RIMS1: variants seen among roughly 807,000 people sequenced by gnomAD.
RIMS1 encodes the protein regulating synaptic membrane exocytosis 1, also known as regulating synaptic membrane exocytosis protein 1.
In RIMS1, 83 loss-of-function variants were observed where a neutral mutation model predicts 214.1. The ratio of observed to expected loss-of-function variants is 0.39; its 90% confidence interval spans 0.32 to 0.47. The LOEUF (loss-of-function observed/expected upper bound fraction) is 0.47. RIMS1 is among the 20% of genes least tolerant of loss of function. RIMS1 has a pLI of 0.99. For missense variants in RIMS1, 2,050 were observed against 2,161.8 expected, an observed-to-expected ratio of 0.95 and a Z score of 1.03; for synonymous variants, 793 against 786.8, an observed-to-expected ratio of 1.01 and a Z score of -0.13.
chr6:72,252,683 A>T, intron 15 of RIMS1, 78 bp from the exon 16 acceptor site: 1 of 1,197,394 alleles, frequency 8.4e-7, no homozygotes, highest in Non-Finnish European at 1.2e-6. Flanking sequence ...TCACTTTTTA[A>T]AAAAAGTTTG....
intron 1 of RIMS1, among the ~76,000 whole-genome samples, chr6:71,906,510 G>A (rs1403651555): frequency 6.6e-6 from 1 of 152,176 alleles, no homozygotes; most frequent in Non-Finnish European, 1.5e-5. Flanking sequence ...AGTAGTAAAT[G>A]TTCCACAGAA....
chr6:72,026,552 C>T (rs1273675074), intron 2 of RIMS1, among the ~76,000 whole-genome samples: 1 of 148,548 alleles, frequency 6.7e-6, no homozygotes, highest in African/African-American at 2.5e-5. Context: ...CTCTTCAAAC[C>T]TCACAAATTA....
chr6:72,152,145 G>A (rs1229825097), intron 4 of RIMS1, among the ~76,000 whole-genome samples: 2 of 152,142 alleles, frequency 1.3e-5, no homozygotes, highest in Non-Finnish European at 2.9e-5. Context: ...GATTTGGAGG[G>A]AACAAACATC....
intron 9 of RIMS1, among the ~76,000 whole-genome samples, chr6:72,240,745 A>C (rs1296839643): frequency 2.0e-5 from 3 of 149,152 alleles, no homozygotes; most frequent in African/African-American, 7.4e-5. Flanking sequence ...ACGGTGACTC[A>C]CACCTGTAAT....
chr6:72,182,152 C>T, intron 5 of RIMS1, 132 bp from the exon 6 acceptor site: 1 of 967,944 alleles, frequency 1.0e-6, no homozygotes. Flanking sequence ...CTTACAGTTC[C>T]ACCTTCAGAT....
chr6:72,360,222 A>G (rs1276882507), intron 29 of RIMS1, among the ~76,000 whole-genome samples: 2 of 152,210 alleles, frequency 1.3e-5, no homozygotes, highest in Non-Finnish European at 2.9e-5. Context: ...AGTAGCATCT[A>G]GCTTTTGTAG....
At chr6:72,009,116 C>G (rs1481324929) in intron 2 of RIMS1, among the ~76,000 whole-genome samples, 2 of 152,294 alleles carry the variant, frequency 1.3e-5, no homozygotes, top group East Asian at 3.9e-4. Flanking sequence ...GAAATTATAA[C>G]AAACTGTCTC....
In RIMS1 at chr6:72,153,561, AT is replaced by A. The variant is rs538026152; in HGVS notation, c.472-26008del. 1.1e-3 allele frequency among the ~76,000 whole-genome samples: 174 copies of A among 152,252 alleles called. 2 individuals carry two copies. Among genetic ancestry groups the A allele is most frequent in the African/African-American group, 3.9e-3 (162 of 41,570 alleles). ...AAATACTGAAGTAAATAATCTATAGATTTTTTACAATAAATTATGCAATGAA... is the reference window on the plus strand; with the variant it reads ...AAATACTGAAGTAAATAATCTATAGATTTTTACAATAAATTATGCAATGAA... On this transcript the variant is annotated intron_variant, in intron 4 of 33. Coordinates refer to ENST00000521978, the MANE Select transcript of RIMS1 (RefSeq NM_014989.7).
At chr6:72,239,906 C>A (rs942632080) in intron 9 of RIMS1, among the ~76,000 whole-genome samples, 1 of 150,916 alleles carries the variant, frequency 6.6e-6, no homozygotes, top group African/African-American at 2.4e-5. Context: ...TTCTACCACT[C>A]CTGTTGAAGG....
chr6:72,321,326 G>C (rs2096147453), intron 28 of RIMS1, among the ~76,000 whole-genome samples: 1 of 151,986 alleles, frequency 6.6e-6, no homozygotes, highest in African/African-American at 2.4e-5. Context: ...CATGATGTAA[G>C]TAATTGTTTT....
intron 6 of RIMS1, among the ~76,000 whole-genome samples, chr6:72,203,475 T>C (rs1054850132): frequency 6.6e-6 from 1 of 152,124 alleles, no homozygotes; most frequent in Non-Finnish European, 1.5e-5. Context: ...CACACTGTTC[T>C]AGGAAGAATA....
At chr6:71,933,297 G>T (rs1256781573) in intron 1 of RIMS1, among the ~76,000 whole-genome samples, 1 of 151,918 alleles carries the variant, frequency 6.6e-6, no homozygotes, top group East Asian at 1.9e-4. Context: ...TTTTCACCTC[G>T]GCATTCATCA....
intron 23 of RIMS1, among the ~76,000 whole-genome samples, chr6:72,282,161 T>A (rs2090432457): frequency 6.6e-6 from 1 of 152,140 alleles, no homozygotes; most frequent in Non-Finnish European, 1.5e-5. Context: ...TTCCAGTCAG[T>A]TGCCTTGAGC....
At chr6:72,107,733 A>T (rs887381496) in intron 4 of RIMS1, among the ~76,000 whole-genome samples, 1 of 152,210 alleles carries the variant, frequency 6.6e-6, no homozygotes, top group Non-Finnish European at 1.5e-5. Context: ...AAATATACCA[A>T]ATAAATTTCA....
chr6:71,905,237 G>A (rs962850282), intron 1 of RIMS1, among the ~76,000 whole-genome samples: 5 of 151,726 alleles, frequency 3.3e-5, no homozygotes, highest in African/African-American at 1.2e-4. Context: ...CCATAATTTA[G>A]TCCAAATATC....
At chr6:71,891,344 A>G (rs1769819775) in intron 1 of RIMS1, among the ~76,000 whole-genome samples, 1 of 152,236 alleles carries the variant, frequency 6.6e-6, no homozygotes, top group African/African-American at 2.4e-5. Flanking sequence ...TTGATTTATA[A>G]AGAGTATTGA....
intron 1 of RIMS1, among the ~76,000 whole-genome samples, chr6:71,951,704 G>T (rs1789635126): frequency 6.8e-6 from 1 of 147,690 alleles, no homozygotes; most frequent in Non-Finnish European, 1.5e-5. Context: ...TTTCTGTGTT[G>T]CCCAAGCTGG....
intron 4 of RIMS1, among the ~76,000 whole-genome samples, chr6:72,109,821 T>G (rs911848369): frequency 5.9e-5 from 9 of 152,090 alleles, no homozygotes; most frequent in African/African-American, 2.2e-4. Context: ...CTTCTAGGGT[T>G]TTTATGGTTT....
intron 2 of RIMS1, among the ~76,000 whole-genome samples, chr6:72,087,000 A>G (rs1335451250): frequency 6.6e-6 from 1 of 152,182 alleles, no homozygotes; most frequent in Non-Finnish European, 1.5e-5. Flanking sequence ...TTAAATCACT[A>G]CAGAAAGAAG....
Sources: allele counts gnomAD v4.1 joint callset (sites outside exome capture counted in the v4.1 genomes callset), GRCh38; gene constraint gnomAD v4.1.1; transcripts MANE v1.5; gene names NCBI Gene and HGNC (gene_info 2026-07-23, HGNC 2026-07-21).